PTPRR: variants seen among roughly 807,000 people sequenced by gnomAD.
PTPRR encodes protein tyrosine phosphatase receptor type R, also known as receptor-type tyrosine-protein phosphatase R.
In PTPRR, 38 loss-of-function variants were observed where a neutral mutation model predicts 77.2. The ratio of observed to expected loss-of-function variants is 0.49; its 90% CI spans 0.38 to 0.65. PTPRR has a LOEUF of 0.65. Ranked by LOEUF, PTPRR falls within the 30% of genes least tolerant of loss-of-function variation. The probability of loss-of-function intolerance (pLI) is 0.00; values close to 1 mark genes in which losing one functional copy is unlikely to be tolerated. For missense variants in PTPRR, 744 were observed against 799.2 expected (o/e 0.93, Z 0.83); for synonymous variants, 299 against 283.1 (o/e 1.06, Z -0.57).
intron 12 of PTPRR, 142 bp from the exon 13 acceptor site, chr12:70,656,959 C>T (rs575800673): frequency 3.1e-6 from 1 of 317,500 alleles, no homozygotes; most frequent in South Asian, 3.6e-5. Flanking sequence ...TGGCCCTGTG[C>T]TAAGTGCTTA....
At chr12:70,753,591 C>G (rs1420323291) in intron 5 of PTPRR, among the ~76,000 whole-genome samples, 1 of 152,006 alleles carries the variant, frequency 6.6e-6, no homozygotes, top group Admixed American at 6.6e-5. Flanking sequence ...TAGAAACATG[C>G]TTTTAAAGGC....
chr12:70,699,110 G>C (rs1296091291), intron 7 of PTPRR, among the ~76,000 whole-genome samples: 1 of 152,108 alleles, frequency 6.6e-6, no homozygotes, highest in Non-Finnish European at 1.5e-5. Flanking sequence ...ACAAGCCAAA[G>C]TTTTCAAAAG....
rs141054638 is a variant in PTPRR at position 70,889,973 on chromosome 12, T to G, written c.357+2706A>C. Among the ~76,000 whole-genome samples, 274 of 152,294 alleles carry G rather than the reference T, an allele frequency of 1.8e-3. 1 individual carries two copies. Among genetic ancestry groups the G allele is most frequent in the African/African-American group, 6.4e-3 (265 of 41,558 alleles). On this transcript the variant is annotated intron_variant, in intron 2 of 13. Coordinates refer to ENST00000283228, the MANE Select transcript of PTPRR (RefSeq NM_002849.4). ...CTGTCCAGGCTAGAACATTCTTCAC[T>G]CAGCAGCCTATGCTGAACTGAAATG...
intron 2 of PTPRR, among the ~76,000 whole-genome samples, chr12:70,803,695 A>ACT (rs1891657775): frequency 6.6e-6 from 1 of 152,144 alleles, no homozygotes; most frequent in African/African-American, 2.4e-5. Flanking sequence ...ATGCCTGAGG[A>ACT]AAGAGATTCT....
chr12:70,758,059 A>G (rs970411815), intron 4 of PTPRR, among the ~76,000 whole-genome samples: 1 of 152,186 alleles, frequency 6.6e-6, no homozygotes, highest in African/African-American at 2.4e-5. Flanking sequence ...TCAAAGGTCA[A>G]AGGGTAATGC....
intron 5 of PTPRR, among the ~76,000 whole-genome samples, chr12:70,748,457 G>T: frequency 6.6e-6 from 1 of 152,116 alleles, no homozygotes; most frequent in East Asian, 1.9e-4. Flanking sequence ...AAAGCTTACC[G>T]TAGCAATGGC....
At chr12:70,873,060 C>A (rs1192918526) in intron 2 of PTPRR, among the ~76,000 whole-genome samples, 2 of 152,082 alleles carry the variant, frequency 1.3e-5, no homozygotes, top group African/African-American at 4.8e-5. Context: ...TGATCCAGTT[C>A]AAGGTTCTTT....
intron 10 of PTPRR, among the ~76,000 whole-genome samples, chr12:70,667,092 AC>A (rs1275480784): frequency 6.6e-6 from 1 of 151,598 alleles, no homozygotes; most frequent in Non-Finnish European, 1.5e-5. Context: ...AGTAGCTGGG[AC>A]TACAGGCGCC....
intron 2 of PTPRR, among the ~76,000 whole-genome samples, chr12:70,862,247 C>T (rs909670737): frequency 1.3e-5 from 2 of 152,012 alleles, no homozygotes; most frequent in African/African-American, 4.8e-5. Context: ...CTATGGGTAA[C>T]CTACTTGAGT....
At chr12:70,734,435 A>T (rs1889793187) in intron 6 of PTPRR, among the ~76,000 whole-genome samples, 1 of 152,096 alleles carries the variant, frequency 6.6e-6, no homozygotes, top group Non-Finnish European at 1.5e-5. Flanking sequence ...TATGAGTGCA[A>T]ATGGAGAGTA....
At chr12:70,644,926 C>A (rs985183900) in intron 13 of PTPRR, among the ~76,000 whole-genome samples, 10 of 152,174 alleles carry the variant, frequency 6.6e-5, no homozygotes, top group Admixed American at 2.0e-4. Flanking sequence ...ACTTACTTAG[C>A]TAAATGATTT....
rs1398806146 is a variant in PTPRR, at chr12:70,892,821, G to A, written c.215C>T (p.Ala72Val). Residue 72 changes from alanine (A) to valine (V), a missense_variant, in exon 2 of 14, where the codon GCT (alanine) becomes GTT (valine). Coordinates refer to ENST00000283228, the MANE Select transcript of PTPRR (RefSeq NM_002849.4). ...YRHSYHSSSEAQVSKRHQIVN... is the reference protein window; with the variant it reads ...YRHSYHSSSEVQVSKRHQIVN... Reference sequence around the variant, plus strand: ...AATCTGGTGGCGTTTGCTTACTTGAGCTTCGGAAGAGGAATGGTAGCTATG... The same window carrying A: ...AATCTGGTGGCGTTTGCTTACTTGAACTTCGGAAGAGGAATGGTAGCTATG... The A allele has an allele frequency of 6.2e-7, 1 of 1,613,410 alleles. No homozygotes were observed. Among genetic ancestry groups the A allele is most frequent in the African/African-American group, 1.3e-5 (1 of 74,860 alleles).
chr12:70,706,557 G>A (rs1888627051), intron 6 of PTPRR, among the ~76,000 whole-genome samples: 1 of 151,856 alleles, frequency 6.6e-6, no homozygotes, highest in East Asian at 1.9e-4. Flanking sequence ...TTTCCTACCT[G>A]AAAGGACCTA....
At chr12:70,656,914 T>TA (rs5798997) in intron 12 of PTPRR, 97 bp from the exon 13 acceptor site, 138,896 of 777,428 alleles carry the variant, frequency 0.18, 17,950 homozygotes, top group African/African-American at 0.49. Context: ...AAACCACAGT[T>TA]AAAAGTAGTA....
chr12:70,729,064 C>T lies in PTPRR; in HGVS notation c.1007+16754G>A, dbSNP rs1442361873. ...TGCAACAGCTGTAGAGTTATGGGAACATCCTTGCGACCTGGACCAGGGAGA... is the reference window on the plus strand; with the variant it reads ...TGCAACAGCTGTAGAGTTATGGGAATATCCTTGCGACCTGGACCAGGGAGA... On this transcript the variant is annotated intron_variant, in intron 6 of 13. Transcript: ENST00000283228. 3.3e-5 allele frequency among the ~76,000 whole-genome samples: 5 copies of T among 152,228 alleles called. No homozygotes were observed. The East Asian group carries it at 9.7e-4, about 29-fold the overall frequency.
Position 70,845,533 on chromosome 12 carries a change from C to T in PTPRR, c.357+47146G>A, listed in dbSNP as rs575752243. Among the ~76,000 whole-genome samples, 10 of 152,264 alleles carry T rather than the reference C, an allele frequency of 6.6e-5. No homozygotes were observed. The South Asian group carries it at 1.9e-3, about 28-fold the overall frequency. On this transcript the variant is annotated intron_variant, in intron 2 of 13. Coordinates refer to ENST00000283228, the MANE Select transcript of PTPRR (RefSeq NM_002849.4). The stretch of plus-strand genomic sequence containing the variant: ...ATCCCTTTAGGATGACTCCTGTACG[C>T]TTCCAGAATTAATCCTATCTCTCTC...
chr12:70,837,960 T>C (rs1180701452), intron 2 of PTPRR, among the ~76,000 whole-genome samples: 1 of 152,054 alleles, frequency 6.6e-6, no homozygotes, highest in Non-Finnish European at 1.5e-5. Context: ...ATCTTATGAG[T>C]TGTATGCCAG....
chr12:70,762,924 T>C (rs543683298), intron 3 of PTPRR, among the ~76,000 whole-genome samples: 175 of 152,290 alleles, frequency 1.1e-3, no homozygotes, highest in African/African-American at 4.0e-3. Context: ...ATAAGCATAT[T>C]CCTTCCTCAG....
intron 2 of PTPRR, among the ~76,000 whole-genome samples, chr12:70,872,811 C>T (rs1179813632): frequency 1.3e-5 from 2 of 151,642 alleles, no homozygotes; most frequent in Non-Finnish European, 2.9e-5. Flanking sequence ...GTTAGAGAGC[C>T]TATTCATAGA....
Sources: allele counts gnomAD v4.1 joint callset (sites outside exome capture counted in the v4.1 genomes callset), GRCh38; gene constraint gnomAD v4.1.1; transcripts MANE v1.5; gene names NCBI Gene and HGNC (gene_info 2026-07-23, HGNC 2026-07-21).